GLP2R: variants seen among roughly 807,000 people sequenced by gnomAD.
The protein encoded by GLP2R is glucagon-like peptide 2 receptor.
A neutral mutation model predicts 68.2 loss-of-function variants in GLP2R; 59 were observed. The observed-to-expected ratio is 0.87, with a 90% confidence interval of 0.70 to 1.07. The LOEUF is 1.07. Among genes scored for constraint, GLP2R ranks in the 50% least tolerant of loss-of-function variants. The probability of loss-of-function intolerance (pLI) is 0.00; values close to 1 mark genes in which losing one functional copy is unlikely to be tolerated. For missense variants in GLP2R, 548 were observed against 677.4 expected, an observed-to-expected ratio of 0.81 and a Z score of 2.12; for synonymous variants, 270 against 265.4, an observed-to-expected ratio of 1.02 and a Z score of -0.17.
intron 10 of GLP2R, among the ~76,000 whole-genome samples, chr17:9,875,563 C>G (rs376824969): frequency 6.6e-6 from 1 of 152,212 alleles, no homozygotes; most frequent in South Asian, 2.1e-4. Flanking sequence ...AGCTAGAGAA[C>G]CTTCTGTAGT....
At chr17:9,864,868 T>A (rs1326883549) in intron 9 of GLP2R, among the ~76,000 whole-genome samples, 1 of 152,200 alleles carries the variant, frequency 6.6e-6, no homozygotes, top group Non-Finnish European at 1.5e-5. Flanking sequence ...TGGCTAGAAC[T>A]ACTGCTTTGG....
intron 4 of GLP2R, among the ~76,000 whole-genome samples, chr17:9,851,168 ATAGT>A (rs112099134): frequency 3.3e-5 from 5 of 152,318 alleles, no homozygotes; most frequent in South Asian, 2.1e-4. Flanking sequence ...TTAGAAACAA[ATAGT>A]TAGGTTATTT....
chr17:9,876,157 G>A (rs377619050), intron 10 of GLP2R, among the ~76,000 whole-genome samples: 1 of 152,162 alleles, frequency 6.6e-6, no homozygotes, highest in South Asian at 2.1e-4. Flanking sequence ...GATTATAGGT[G>A]TGAGCCACTG....
chr17:9,869,655 C>T lies in GLP2R; in HGVS notation c.1057-1092C>T, dbSNP rs187112726. ...TTTGGGCCTGAGAACTCAGTTACCC[C>T]ACGTGGATCTCCCAACAGGCTGCTT... On this transcript the variant is annotated intron_variant, in intron 9 of 12. Transcript: ENST00000262441. 7.2e-5 allele frequency among the ~76,000 whole-genome samples: 11 copies of T among 152,290 alleles called. No homozygotes were observed. In the East Asian group the frequency reaches 1.4e-3, roughly 19 times the overall value.
chr17:9,861,292 A>G (rs2066985333), intron 8 of GLP2R, 93 bp downstream of exon 8: 2 of 875,014 alleles, frequency 2.3e-6, no homozygotes, highest in Admixed American at 3.6e-5. Context: ...CGTAGAAAAT[A>G]TCTATCCCTT....
chr17:9,829,354 G>T (rs1479794107), intron 1 of GLP2R, among the ~76,000 whole-genome samples: 5 of 150,312 alleles, frequency 3.3e-5, no homozygotes, highest in African/African-American at 1.2e-4. Flanking sequence ...AGGGTAGACA[G>T]TTTGGCAGTC....
Position 9,890,601 on chromosome 17 carries a change from T to C in GLP2R, c.*896T>C, listed in dbSNP as rs1834036136. On this transcript the variant is annotated 3_prime_UTR_variant, in exon 13 of 13. Coordinates refer to ENST00000262441, the MANE Select transcript of GLP2R (RefSeq NM_004246.3). ...TCTACCAGCCTGATTTACACTACCA[T>C]TCTCTTGGGGCAAGGAATGTCCCCA... 6.5e-6 allele frequency: 1 copy of C among 152,766 alleles called. No individual in the cohort carries two copies. Among genetic ancestry groups the C allele is most frequent in the Non-Finnish European group, 1.5e-5 (1 of 68,532 alleles). The allele number at this position is 152,766 out of a possible 1,614,324, so 9.5% of individuals were successfully genotyped here.
At chr17:9,868,713 A>G (rs929220290) in intron 9 of GLP2R, among the ~76,000 whole-genome samples, 1 of 152,196 alleles carries the variant, frequency 6.6e-6, no homozygotes. Flanking sequence ...CGTACGTTCT[A>G]TGGGTTGATG....
intron 1 of GLP2R, among the ~76,000 whole-genome samples, chr17:9,830,445 T>G (rs917629407): frequency 2.0e-5 from 3 of 152,228 alleles, no homozygotes; most frequent in African/African-American, 7.2e-5. Flanking sequence ...GTTTACTTCT[T>G]TAAACAATAT....
intron 4 of GLP2R, among the ~76,000 whole-genome samples, chr17:9,850,718 A>ATC (rs1297164756): frequency 1.1e-4 from 10 of 89,302 alleles, no homozygotes; most frequent in African/African-American, 6.9e-4. Context: ...TTGAGCCGGG[A>ATC]TCTCTCTCTC....
intron 11 of GLP2R, among the ~76,000 whole-genome samples, chr17:9,880,880 A>G (rs758975754): frequency 6.6e-6 from 1 of 152,198 alleles, no homozygotes; most frequent in Non-Finnish European, 1.5e-5. Context: ...TTCAGGTGAC[A>G]TGTACACAGA....
In GLP2R at chr17:9,825,971, T is replaced by C; in HGVS notation, c.-93T>C. The C allele has an allele frequency of 3.9e-6, 4 of 1,038,354 alleles. No individual in the cohort carries two copies. The highest frequency in any genetic ancestry group is 5.7e-6 in the Non-Finnish European group (4 of 700,364). 64.3% of individuals were successfully genotyped at this position (1,038,354 alleles called of 1,614,324 possible). ...AGAGGATTTGTGCAAACATTTCCTC[T>C]GTGGACCAAGAGGAATGCAAGAGGA... On this transcript the variant is annotated 5_prime_UTR_variant, in exon 1 of 13. Coordinates refer to ENST00000262441, the MANE Select transcript of GLP2R (RefSeq NM_004246.3).
In GLP2R at chr17:9,838,991, A is replaced by G. The variant is rs1485491964; in HGVS notation, c.382+2516A>G. ...TTGCACCACTGAGCGCCTGATGGCAAACAGAAGCTGTAACTGACGACTGAG... is the reference window on the plus strand; with the variant it reads ...TTGCACCACTGAGCGCCTGATGGCAGACAGAAGCTGTAACTGACGACTGAG... On this transcript the variant is annotated intron_variant, in intron 3 of 12. Coordinates refer to ENST00000262441, the MANE Select transcript of GLP2R (RefSeq NM_004246.3). Among the ~76,000 whole-genome samples, 4 of 152,228 alleles carry G rather than the reference A, an allele frequency of 2.6e-5. No homozygotes were observed. The East Asian group carries it at 7.7e-4, about 29-fold the overall frequency.
At chr17:9,849,028 AAT>A (rs1567723806) in intron 4 of GLP2R, among the ~76,000 whole-genome samples, 17 of 151,392 alleles carry the variant, frequency 1.1e-4, no homozygotes, top group African/African-American at 3.9e-4. Flanking sequence ...TAATTTAATT[AAT>A]ACATACATAT....
At chr17:9,852,327 T>C (rs1433744911) in intron 4 of GLP2R, among the ~76,000 whole-genome samples, 3 of 152,118 alleles carry the variant, frequency 2.0e-5, no homozygotes, top group Admixed American at 1.3e-4. Context: ...TGGTATTTGG[T>C]TTTCTGTTCC....
At chr17:9,888,367 G>A (rs1378684989) in intron 12 of GLP2R, among the ~76,000 whole-genome samples, 1 of 152,170 alleles carries the variant, frequency 6.6e-6, no homozygotes, top group African/African-American at 2.4e-5. Flanking sequence ...AGTAACATGG[G>A]AGCAACAATC....
intron 9 of GLP2R, among the ~76,000 whole-genome samples, chr17:9,868,592 C>T (rs2067062655): frequency 6.6e-6 from 1 of 152,148 alleles, no homozygotes; most frequent in South Asian, 2.1e-4. Context: ...AAGAACAGCA[C>T]CATCCAAAAG....
chr17:9,889,319 C>A, intron 12 of GLP2R, 51 bp from the exon 13 acceptor site: 1 of 1,271,336 alleles, frequency 7.9e-7, no homozygotes, highest in Non-Finnish European at 1.1e-6. Flanking sequence ...TAAATGGACA[C>A]ATGGCTAAAT....
At chr17:9,884,557 A>T (rs1258245494) in intron 11 of GLP2R, among the ~76,000 whole-genome samples, 10 of 152,178 alleles carry the variant, frequency 6.6e-5, no homozygotes. Flanking sequence ...ATATTGGAGC[A>T]ATATACCAGA....
Sources: gnomAD v4.1 joint callset for allele counts (sites outside exome capture counted in the v4.1 genomes callset) on GRCh38, gnomAD v4.1.1 for gene constraint, MANE v1.5 for transcripts, NCBI Gene and HGNC (gene_info 2026-07-23, HGNC 2026-07-21) for gene names.